Variants in PPP1R12B observed in about 807,000 individuals in gnomAD.
PPP1R12B encodes the protein myosin phosphatase target subunit 2.
A neutral mutation model predicts 126.1 loss-of-function variants in PPP1R12B; 76 were observed. That is an observed-to-expected ratio of 0.60 (90% CI 0.50 to 0.73). The LOEUF is 0.73. Among genes scored for constraint, PPP1R12B ranks in the 30% least tolerant of loss-of-function variants. The pLI is 0.00. For missense variants in PPP1R12B, 1,052 were observed against 1,205.1 expected, an observed-to-expected ratio of 0.87 and a Z score of 1.88; for synonymous variants, 356 against 434.7, an observed-to-expected ratio of 0.82 and a Z score of 2.25.
At chr1:202,580,368 C>A (rs1209341142) in intron 23 of PPP1R12B, 106 bp from the exon 24 acceptor site, 2 of 767,252 alleles carry the variant, frequency 2.6e-6, no homozygotes, top group Non-Finnish European at 2.3e-6. Flanking sequence ...TTATTCCACA[C>A]ATTGTCTCAA....
chr1:202,353,586 T>G (rs946030349), intron 1 of PPP1R12B, among the ~76,000 whole-genome samples: 18 of 120,812 alleles, frequency 1.5e-4, no homozygotes, highest in East Asian at 9.2e-4. Flanking sequence ...TTCTTCTTCT[T>G]TGTGTGTGTG....
At chr1:202,562,370 C>A (rs1558377279) in intron 19 of PPP1R12B, among the ~76,000 whole-genome samples, 2 of 152,160 alleles carry the variant, frequency 1.3e-5, no homozygotes, top group Non-Finnish European at 2.9e-5. Context: ...TCTCTAAGTC[C>A]ACATGTTTCT....
chr1:202,585,583 A>G lies in PPP1R12B; in HGVS notation c.*5023A>G, dbSNP rs1409893477. ...CATTCTTAGGAAGATCAGCATATTT[A>G]TTGGGATTTCTGCTTCAAAAATTCT... On this transcript the variant is annotated 3_prime_UTR_variant, in exon 24 of 24. Transcript: ENST00000608999. 1 of 152,212 alleles carries G rather than the reference A, an allele frequency of 6.6e-6. No individual in the cohort carries two copies. The allele number at this position is 152,212 out of a possible 1,614,324, so 9.4% of individuals were successfully genotyped here. A position where few individuals can be genotyped will look rare whatever the true frequency, so the allele number is the denominator to read the frequency against.
At chr1:202,429,073 A>G (rs1160470029) in intron 6 of PPP1R12B, 144 bp downstream of exon 6, 1 of 651,082 alleles carries the variant, frequency 1.5e-6, no homozygotes, top group Non-Finnish European at 2.5e-6. Context: ...TCACTTCAGG[A>G]ACTATAAACA....
intron 1 of PPP1R12B, among the ~76,000 whole-genome samples, chr1:202,393,211 G>A (rs1381596914): frequency 6.6e-6 from 1 of 152,052 alleles, no homozygotes; most frequent in Admixed American, 6.6e-5. Context: ...ATCTCCCAAA[G>A]CGCTGGGATT....
At chr1:202,504,391 C>G (rs1166296372) in intron 18 of PPP1R12B, among the ~76,000 whole-genome samples, 1 of 151,698 alleles carries the variant, frequency 6.6e-6, no homozygotes, top group African/African-American at 2.4e-5. Flanking sequence ...AGACCCTGTC[C>G]CCCCCAAAAA....
At chr1:202,498,178 C>A (rs945699355) in intron 18 of PPP1R12B, among the ~76,000 whole-genome samples, 2 of 152,038 alleles carry the variant, frequency 1.3e-5, no homozygotes, top group African/African-American at 4.8e-5. Context: ...GCAGTACTTC[C>A]TAGGGAATTT....
chr1:202,501,839 C>T, intron 18 of PPP1R12B: 1 of 983,202 alleles, frequency 1.0e-6, no homozygotes, highest in Non-Finnish European at 1.2e-6. Context: ...CTTATTCATC[C>T]ATTTGGTTTT....
At chr1:202,552,457 C>T (rs1572482398) in intron 18 of PPP1R12B, among the ~76,000 whole-genome samples, 2 of 152,142 alleles carry the variant, frequency 1.3e-5, no homozygotes, top group East Asian at 3.8e-4. Flanking sequence ...TCAAAAGTTA[C>T]AAAATTATAC....
chr1:202,570,836 C>G (rs1688523773), intron 23 of PPP1R12B, among the ~76,000 whole-genome samples: 1 of 152,216 alleles, frequency 6.6e-6, no homozygotes, highest in Admixed American at 6.5e-5. Context: ...CTAACTGTTT[C>G]TTGATGAGTG....
At chr1:202,571,877 A>G (rs1253524957) in intron 23 of PPP1R12B, among the ~76,000 whole-genome samples, 5 of 152,076 alleles carry the variant, frequency 3.3e-5, no homozygotes, top group African/African-American at 4.8e-5. Flanking sequence ...CCTAAACACT[A>G]TTTGCTCAAA....
At chr1:202,421,533 A>G (rs566804550) in intron 2 of PPP1R12B, among the ~76,000 whole-genome samples, 1 of 151,920 alleles carries the variant, frequency 6.6e-6, no homozygotes, top group South Asian at 2.1e-4. Flanking sequence ...CCAGCTAATC[A>G]GGAGGCTGAG....
At chr1:202,409,799 G>A (rs1667155279) in intron 1 of PPP1R12B, among the ~76,000 whole-genome samples, 1 of 152,084 alleles carries the variant, frequency 6.6e-6, no homozygotes, top group African/African-American at 2.4e-5. Flanking sequence ...AAATAACTGG[G>A]ACTACAGGCC....
At chr1:202,428,762 CA>C in intron 5 of PPP1R12B, 92 bp from the exon 6 acceptor site, 1 of 1,203,600 alleles carries the variant, frequency 8.3e-7, no homozygotes, top group Non-Finnish European at 1.2e-6. Flanking sequence ...GAGTCAAAGG[CA>C]AAAAGTGACT....
chr1:202,540,838 GAAATGTCTTGCTTA>G (rs1223074163), intron 18 of PPP1R12B, among the ~76,000 whole-genome samples: 1 of 152,196 alleles, frequency 6.6e-6, no homozygotes, highest in Non-Finnish European at 1.5e-5. Flanking sequence ...GTACCTTCAG[GAAATGTCTTGCTTA>G]AAAGCCAAAG....
At chr1:202,546,270 A>T (rs1327589621) in intron 18 of PPP1R12B, among the ~76,000 whole-genome samples, 1 of 152,178 alleles carries the variant, frequency 6.6e-6, no homozygotes, top group Admixed American at 6.5e-5. Flanking sequence ...CAGAGTCAGG[A>T]GTGACTACCA....
At position 202,590,065 on chromosome 1, in the gene PPP1R12B, C is replaced by G. The variant is rs1690046420; in HGVS notation, c.*9505C>G. Reference sequence around the variant, plus strand: ...CCCTTTCCCTAAAAATTCTGACGCCCTATCCCTGGTCCCTAACATCTTTGC... The same window carrying G: ...CCCTTTCCCTAAAAATTCTGACGCCGTATCCCTGGTCCCTAACATCTTTGC... On this transcript the variant is annotated 3_prime_UTR_variant, in exon 24 of 24. Coordinates refer to ENST00000608999, the MANE Select transcript of PPP1R12B (RefSeq NM_002481.4). 6.6e-6 allele frequency: 1 copy of G among 152,220 alleles called. No individual in the cohort carries two copies. Among genetic ancestry groups the G allele is most frequent in the African/African-American group, 2.4e-5 (1 of 41,438 alleles). 9.4% of individuals were successfully genotyped at this position (152,220 alleles called of 1,614,324 possible).
intron 1 of PPP1R12B, among the ~76,000 whole-genome samples, chr1:202,361,728 C>T (rs1457722899): frequency 6.6e-6 from 1 of 151,992 alleles, no homozygotes; most frequent in Non-Finnish European, 1.5e-5. Flanking sequence ...TGAAAGAAAA[C>T]TTCAAAGGGA....
chr1:202,479,475 G>A (rs567087749), intron 13 of PPP1R12B, among the ~76,000 whole-genome samples: 2 of 152,334 alleles, frequency 1.3e-5, no homozygotes, highest in Non-Finnish European at 2.9e-5. Context: ...GGTATTTGCT[G>A]ATTAGTAAAG....
Sources: gnomAD v4.1 joint callset for allele counts (sites outside exome capture counted in the v4.1 genomes callset) on GRCh38, gnomAD v4.1.1 for gene constraint, MANE v1.5 for transcripts, NCBI Gene and HGNC (gene_info 2026-07-23, HGNC 2026-07-21) for gene names.